The following HECTD2 variants were observed in gnomAD, a reference collection of about 807,000 sequenced individuals.
HECTD2 encodes HECT domain E3 ubiquitin protein ligase 2.
A neutral mutation model predicts 103.2 loss-of-function variants in HECTD2; 35 were observed. The observed-to-expected ratio is 0.34, with a 90% CI of 0.26 to 0.45. The LOEUF is 0.45. Among genes scored for constraint, HECTD2 ranks in the 20% least tolerant of loss-of-function variants. The pLI is 1.00. For synonymous variants in HECTD2, 281 were observed against 329.9 expected (o/e 0.85, Z 1.61); for missense variants, 596 against 937.4 (o/e 0.64, Z 4.76).
intron 2 of HECTD2, among the ~76,000 whole-genome samples, chr10:91,451,369 C>T (rs184489983): frequency 3.3e-5 from 5 of 151,924 alleles, no homozygotes; most frequent in South Asian, 2.1e-4. Flanking sequence ...TGGGGCCTTT[C>T]GGTGGATTGG....
chr10:91,511,076 T>G (rs2133394119), intron 20 of HECTD2, among the ~76,000 whole-genome samples: 1 of 152,332 alleles, frequency 6.6e-6, no homozygotes, highest in East Asian at 1.9e-4. Flanking sequence ...TTCTAGTAGT[T>G]TTAAGTCTTT....
At chr10:91,492,520 C>T in intron 13 of HECTD2, 36 bp downstream of exon 13, 2 of 1,516,278 alleles carry the variant, frequency 1.3e-6, no homozygotes, top group Non-Finnish European at 1.8e-6. Context: ...AACTGTGTTT[C>T]TTCATAATTG....
chr10:91,461,824 A>T (rs940742834), intron 4 of HECTD2, among the ~76,000 whole-genome samples: 2 of 152,178 alleles, frequency 1.3e-5, no homozygotes, highest in African/African-American at 4.8e-5. Context: ...TGCTGGGATT[A>T]TAGATACAAG....
intron 5 of HECTD2, chr10:91,462,581 C>G (rs1053907021): frequency 2.9e-6 from 3 of 1,041,814 alleles, no homozygotes; most frequent in African/African-American, 1.7e-5. Flanking sequence ...TTGGGTGAAG[C>G]CCAAGAATTT....
At chr10:91,431,114 T>C (rs1172812041) in intron 2 of HECTD2, among the ~76,000 whole-genome samples, 2 of 151,774 alleles carry the variant, frequency 1.3e-5, no homozygotes, top group East Asian at 3.9e-4. Context: ...GTCTGTAAAG[T>C]ATTTTATTTC....
At chr10:91,459,504 A>G (rs367733481) in intron 2 of HECTD2, among the ~76,000 whole-genome samples, 4 of 152,126 alleles carry the variant, frequency 2.6e-5, no homozygotes, top group East Asian at 3.8e-4. Flanking sequence ...AAAATGAACT[A>G]TCTGTATATG....
chr10:91,479,938 A>T (rs1846033767), intron 6 of HECTD2, among the ~76,000 whole-genome samples: 1 of 152,060 alleles, frequency 6.6e-6, no homozygotes, highest in South Asian at 2.1e-4. Context: ...TCCTTTTATA[A>T]GTTTTCCACC....
chr10:91,509,553 G>A (rs1221631605), intron 20 of HECTD2, among the ~76,000 whole-genome samples: 2 of 152,036 alleles, frequency 1.3e-5, no homozygotes, highest in Admixed American at 1.3e-4. Flanking sequence ...GCAAAGACTG[G>A]ATAAAGAAAA....
chr10:91,494,252 C>T (rs1046636534), intron 14 of HECTD2, among the ~76,000 whole-genome samples: 1 of 151,936 alleles, frequency 6.6e-6, no homozygotes. Flanking sequence ...GACCATATGG[C>T]AGTAAGTACT....
intron 2 of HECTD2, among the ~76,000 whole-genome samples, chr10:91,444,700 A>G (rs988403677): frequency 2.0e-5 from 3 of 152,182 alleles, no homozygotes; most frequent in African/African-American, 7.2e-5. Flanking sequence ...ATAATTCAAA[A>G]AGAGAAAATC....
intron 2 of HECTD2, among the ~76,000 whole-genome samples, chr10:91,439,943 A>T (rs550437114): frequency 3.3e-4 from 51 of 152,242 alleles, no homozygotes; most frequent in Non-Finnish European, 6.6e-4. Context: ...GTATCCTGAG[A>T]CTTTGCTGAA....
At chr10:91,502,824 A>C (rs1846958649) in intron 20 of HECTD2, among the ~76,000 whole-genome samples, 1 of 152,160 alleles carries the variant, frequency 6.6e-6, no homozygotes. Context: ...TTTCCCAATA[A>C]TTATTATTAT....
intron 20 of HECTD2, among the ~76,000 whole-genome samples, chr10:91,503,294 C>A (rs992029738): frequency 3.3e-5 from 5 of 152,140 alleles, no homozygotes; most frequent in Non-Finnish European, 1.5e-5. Context: ...CGAATAGGAA[C>A]AGCTCCAGTC....
intron 16 of HECTD2, among the ~76,000 whole-genome samples, 172 bp downstream of exon 16, chr10:91,498,354 T>G (rs1164368079): frequency 6.6e-6 from 1 of 151,478 alleles, no homozygotes; most frequent in African/African-American, 2.4e-5. Context: ...AGATGAGCAG[T>G]CAATGAAAGT....
chr10:91,503,248 T>A (rs1378757313), intron 20 of HECTD2, among the ~76,000 whole-genome samples: 1 of 151,970 alleles, frequency 6.6e-6, no homozygotes, highest in Non-Finnish European at 1.5e-5. Flanking sequence ...ATTGTTATAT[T>A]AAAAAGTCAA....
chr10:91,483,409 ATG>A (rs974282195), intron 8 of HECTD2, among the ~76,000 whole-genome samples: 6 of 151,932 alleles, frequency 3.9e-5, no homozygotes, highest in Admixed American at 3.9e-4. Flanking sequence ...TACTATTTTA[ATG>A]TGTGTCTTTT....
At chr10:91,475,948 A>G (rs975709440) in intron 5 of HECTD2, among the ~76,000 whole-genome samples, 2 of 152,190 alleles carry the variant, frequency 1.3e-5, no homozygotes, top group African/African-American at 4.8e-5. Context: ...AAATACCCCA[A>G]CTTCACTCTC....
intron 2 of HECTD2, among the ~76,000 whole-genome samples, chr10:91,452,970 A>C (rs947075036): frequency 2.6e-5 from 4 of 152,166 alleles, no homozygotes; most frequent in African/African-American, 9.6e-5. Context: ...AAAGGAAACA[A>C]AAGAAGGAAA....
intron 5 of HECTD2, among the ~76,000 whole-genome samples, chr10:91,472,366 T>C (rs1332714446): frequency 6.6e-6 from 1 of 152,118 alleles, no homozygotes; most frequent in African/African-American, 2.4e-5. Context: ...GAAGATAACC[T>C]AGGAAATATC....
Sources: allele counts gnomAD v4.1 joint callset (sites outside exome capture counted in the v4.1 genomes callset), GRCh38; gene constraint gnomAD v4.1.1; transcripts MANE v1.5; gene names NCBI Gene and HGNC (gene_info 2026-07-23, HGNC 2026-07-21).